The following LRP1B variants were observed in gnomAD, a reference collection of about 807,000 sequenced individuals.
LRP1B encodes the protein LDL receptor related protein 1B, also known as low-density lipoprotein receptor-related protein 1B.
In LRP1B, 217 loss-of-function variants were observed where a neutral mutation model predicts 556.6. That is an observed-to-expected ratio of 0.39 (90% CI 0.35 to 0.44). The LOEUF is 0.44. Ranked by LOEUF, LRP1B falls within the 20% of genes least tolerant of loss-of-function variation. LRP1B has a pLI of 1.00. For missense variants in LRP1B, 5,053 were observed against 5,620.8 expected (o/e 0.90, Z 3.23); for synonymous variants, 2,047 against 1,865.8 (o/e 1.10, Z -2.50).
chr2:142,013,888 G>C (rs1175548134), intron 1 of LRP1B, among the ~76,000 whole-genome samples: 1 of 152,140 alleles, frequency 6.6e-6, no homozygotes, highest in Non-Finnish European at 1.5e-5. Context: ...CTGGCCTCTA[G>C]ATGTTTAATG....
chr2:141,811,773 C>T (rs116445294), intron 1 of LRP1B, among the ~76,000 whole-genome samples: 1,680 of 152,156 alleles, frequency 0.011, 30 homozygotes, highest in Non-Finnish European at 0.019. Context: ...TGTATTTGGC[C>T]TCAGACTTGG....
intron 2 of LRP1B, among the ~76,000 whole-genome samples, chr2:141,794,521 A>G (rs1462323246): frequency 6.6e-6 from 1 of 151,944 alleles, no homozygotes; most frequent in Non-Finnish European, 1.5e-5. Flanking sequence ...AAATGAGCAT[A>G]AATAATAAAA....
intron 1 of LRP1B, among the ~76,000 whole-genome samples, chr2:141,957,961 A>G (rs561239276): frequency 3.9e-5 from 6 of 152,186 alleles, no homozygotes; most frequent in Non-Finnish European, 5.9e-5. Flanking sequence ...GTCCTCTGCC[A>G]TCTAGCATAG....
chr2:140,422,559 A>G (rs6430899), intron 66 of LRP1B, among the ~76,000 whole-genome samples: 2,176 of 152,306 alleles, frequency 0.014, 56 homozygotes, highest in African/African-American at 0.05. Flanking sequence ...AGATGAAACA[A>G]AATGGAATAA....
chr2:141,942,146 C>G (rs1385033980), intron 1 of LRP1B, among the ~76,000 whole-genome samples: 2 of 152,090 alleles, frequency 1.3e-5, no homozygotes, highest in African/African-American at 4.8e-5. Context: ...TTAAAATATA[C>G]AGATTGGTGT....
intron 6 of LRP1B, among the ~76,000 whole-genome samples, chr2:141,206,216 C>CA (rs751986083): frequency 3.3e-5 from 5 of 151,910 alleles, no homozygotes; most frequent in Admixed American, 6.6e-5. Context: ...CAAAAGACGA[C>CA]AAAACATAGT....
chr2:142,128,645 T>G (rs1574715757), intron 1 of LRP1B, among the ~76,000 whole-genome samples: 1 of 152,214 alleles, frequency 6.6e-6, no homozygotes, highest in South Asian at 2.1e-4. Context: ...GTGTTAAATA[T>G]ATAATAGTGG....
At chr2:141,762,850 T>C (rs544173900) in intron 2 of LRP1B, among the ~76,000 whole-genome samples, 55 of 152,358 alleles carry the variant, frequency 3.6e-4, no homozygotes, top group African/African-American at 1.3e-3. Context: ...GTAACTGAGA[T>C]AGGCTTCACA....
chr2:141,062,316 G>A (rs2105469132), intron 7 of LRP1B, 43 bp from the exon 8 acceptor site: 2 of 1,389,562 alleles, frequency 1.4e-6, no homozygotes, highest in South Asian at 1.3e-5. Flanking sequence ...GGTGGGGGAG[G>A]GAAGCACGTT....
intron 1 of LRP1B, among the ~76,000 whole-genome samples, chr2:142,103,269 T>C (rs1706628472): frequency 1.3e-5 from 2 of 152,008 alleles, no homozygotes; most frequent in Admixed American, 6.6e-5. Context: ...ATTAATTTAG[T>C]AAATTATTTG....
intron 11 of LRP1B, among the ~76,000 whole-genome samples, chr2:141,045,084 G>A (rs1306510008): frequency 6.8e-6 from 1 of 147,276 alleles, no homozygotes; most frequent in Non-Finnish European, 1.5e-5. Flanking sequence ...GGAATACTAT[G>A]CAGCCATAAA....
chr2:140,828,262 C>T (rs1327273833), intron 31 of LRP1B, among the ~76,000 whole-genome samples: 1 of 152,112 alleles, frequency 6.6e-6, no homozygotes, highest in Admixed American at 6.5e-5. Context: ...GTAGTAAGTC[C>T]TTACTTATCA....
chr2:141,542,059 C>A (rs1287345495), intron 2 of LRP1B, among the ~76,000 whole-genome samples: 1 of 21,466 alleles, frequency 4.7e-5, no homozygotes, highest in African/African-American at 5.0e-5. Flanking sequence ...ATGTAATGTT[C>A]TATTCTTTTT....
rs1156473111 is a variant in LRP1B, at chr2:141,170,075, A to T, written c.1013+18346T>A. On this transcript the variant is annotated intron_variant, in intron 7 of 90. Transcript: ENST00000389484. ...ATAAAAAGGCATGAGGACTAAGTTAACCCAATGATCCTGAAGTGACAGGAA... is the reference window on the plus strand; with the variant it reads ...ATAAAAAGGCATGAGGACTAAGTTATCCCAATGATCCTGAAGTGACAGGAA... Among the ~76,000 whole-genome samples, 3 of 152,068 alleles carry T rather than the reference A, an allele frequency of 2.0e-5. No homozygotes were observed. The East Asian group carries it at 5.8e-4, about 29-fold the overall frequency.
intron 60 of LRP1B, among the ~76,000 whole-genome samples, chr2:140,459,045 C>T (rs1170618303): frequency 6.6e-6 from 1 of 152,054 alleles, no homozygotes; most frequent in Non-Finnish European, 1.5e-5. Flanking sequence ...CAGATTTGTA[C>T]ACTTTAGATG....
chr2:140,782,908 G>C (rs990536347), intron 32 of LRP1B, among the ~76,000 whole-genome samples: 1 of 152,030 alleles, frequency 6.6e-6, no homozygotes, highest in African/African-American at 2.4e-5. Flanking sequence ...AAAAGTGAAA[G>C]GTGGCCTTCC....
chr2:141,066,526 T>A (rs1007617980), intron 7 of LRP1B, among the ~76,000 whole-genome samples: 4 of 151,696 alleles, frequency 2.6e-5, no homozygotes, highest in Non-Finnish European at 1.5e-5. Flanking sequence ...AAAGCATGCA[T>A]TTTTTTTAGC....
At chr2:140,552,649 T>C (rs1232090603) in intron 43 of LRP1B, among the ~76,000 whole-genome samples, 2 of 152,164 alleles carry the variant, frequency 1.3e-5, no homozygotes, top group Admixed American at 6.6e-5. Context: ...AGAGTCTTTA[T>C]GTAGAGCGCA....
At chr2:140,943,864 G>A (rs1695469472) in intron 20 of LRP1B, among the ~76,000 whole-genome samples, 1 of 151,914 alleles carries the variant, frequency 6.6e-6, no homozygotes, top group Admixed American at 6.6e-5. Flanking sequence ...TAAGGAACTA[G>A]AAAATCAAGA....
Sources: allele counts gnomAD v4.1 joint callset (sites outside exome capture counted in the v4.1 genomes callset), GRCh38; gene constraint gnomAD v4.1.1; transcripts MANE v1.5; gene names NCBI Gene and HGNC (gene_info 2026-07-23, HGNC 2026-07-21).